PRKCE: variants seen among roughly 807,000 people sequenced by gnomAD.
PRKCE encodes the protein protein kinase C epsilon type.
Under a neutral mutation model 85.4 loss-of-function variants are expected in PRKCE, and 16 were observed. The observed-to-expected ratio is 0.19, with a 90% confidence interval of 0.13 to 0.28. The LOEUF (loss-of-function observed/expected upper bound fraction) is 0.28, where lower values mean the gene tolerates loss of function less well. PRKCE is among the 10% of genes least tolerant of loss of function. The probability of loss-of-function intolerance (pLI) is 1.00; values close to 1 mark genes in which losing one functional copy is unlikely to be tolerated. For synonymous variants in PRKCE, 388 were observed against 371.5 expected, an observed-to-expected ratio of 1.04 and a Z score of -0.51; for missense variants, 573 against 975.2, an observed-to-expected ratio of 0.59 and a Z score of 5.49.
intron 2 of PRKCE, among the ~76,000 whole-genome samples, chr2:45,972,960 A>G (rs1288025902): frequency 6.6e-6 from 1 of 152,236 alleles, no homozygotes; most frequent in Non-Finnish European, 1.5e-5. Flanking sequence ...ATTCTGAGTT[A>G]AAAGAACAAA....
chr2:45,744,138 G>C (rs1410741514), intron 1 of PRKCE, among the ~76,000 whole-genome samples: 2 of 152,024 alleles, frequency 1.3e-5, no homozygotes, highest in Non-Finnish European at 2.9e-5. Context: ...TAGTGTCCTT[G>C]TCAAATGGGA....
chr2:45,961,349 C>T (rs1701363702), intron 2 of PRKCE, among the ~76,000 whole-genome samples: 1 of 152,186 alleles, frequency 6.6e-6, no homozygotes. Flanking sequence ...AATGAAGTAT[C>T]TACTGCTATA....
chr2:45,865,531 A>T (rs1396110156), intron 2 of PRKCE, among the ~76,000 whole-genome samples: 1 of 152,148 alleles, frequency 6.6e-6, no homozygotes, highest in Non-Finnish European at 1.5e-5. Context: ...CAAAATTCAG[A>T]TGTTGTGCAT....
intron 1 of PRKCE, among the ~76,000 whole-genome samples, chr2:45,715,906 G>T (rs1680047158): frequency 6.6e-6 from 1 of 152,156 alleles, no homozygotes. Context: ...CTCCCCCCAT[G>T]ATGCCTCTCA....
intron 10 of PRKCE, among the ~76,000 whole-genome samples, chr2:46,071,534 C>G (rs1558420329): frequency 6.6e-6 from 1 of 152,164 alleles, no homozygotes; most frequent in Non-Finnish European, 1.5e-5. Flanking sequence ...TTAACCCAGG[C>G]AGTCAGGATT....
chr2:45,758,231 A>T (rs1684170927), intron 1 of PRKCE, among the ~76,000 whole-genome samples: 1 of 152,208 alleles, frequency 6.6e-6, no homozygotes, highest in African/African-American at 2.4e-5. Context: ...CATCTGTGAA[A>T]TGGGAATAGT....
At chr2:45,925,484 T>C (rs954300526) in intron 2 of PRKCE, among the ~76,000 whole-genome samples, 28 of 152,010 alleles carry the variant, frequency 1.8e-4, no homozygotes, top group African/African-American at 6.0e-4. Flanking sequence ...TTAGTGGAGA[T>C]GGGGTTTCAC....
chr2:45,855,295 A>G (rs1213606862), intron 2 of PRKCE, among the ~76,000 whole-genome samples: 1 of 152,264 alleles, frequency 6.6e-6, no homozygotes, highest in East Asian at 1.9e-4. Flanking sequence ...AAAAGAGTGT[A>G]TGAAATAAAG....
chr2:46,007,551 C>G lies in PRKCE; in HGVS notation c.1153C>G (p.Gln385Glu). Residue 385 changes from glutamine to glutamate, a missense_variant, in exon 9 of 15, where the codon CAG (glutamine) becomes GAG (glutamate). By Grantham distance (29) the Gln-to-Glu change is conservative. Coordinates refer to ENST00000306156, the MANE Select transcript of PRKCE (RefSeq NM_005400.3). ...CCGGGCAGCATCGTCTCCTGATGGC[C>G]AGCTGATGAGCCCCGGTGAGAATGG... is the stretch of plus-strand genomic sequence containing the variant. ...EHRAASSPDG[Q>E]LMSPGENGEV... 1 of 1,599,802 alleles carries G rather than the reference C, an allele frequency of 6.3e-7. No individual in the cohort carries two copies. Among genetic ancestry groups the G allele is most frequent in the Non-Finnish European group, 8.5e-7 (1 of 1,179,968 alleles).
At chr2:46,032,086 C>T (rs540649637) in intron 10 of PRKCE, among the ~76,000 whole-genome samples, 5 of 152,284 alleles carry the variant, frequency 3.3e-5, no homozygotes, top group South Asian at 4.1e-4. Flanking sequence ...AGAAGACTGC[C>T]GCAAGAATTT....
At chr2:45,934,769 T>A (rs1699305703) in intron 2 of PRKCE, among the ~76,000 whole-genome samples, 1 of 151,846 alleles carries the variant, frequency 6.6e-6, no homozygotes. Context: ...GAAACCACAA[T>A]TGGGCTGGGC....
chr2:45,986,825 G>A (rs996663238), intron 6 of PRKCE, among the ~76,000 whole-genome samples: 4 of 152,076 alleles, frequency 2.6e-5, no homozygotes, highest in African/African-American at 7.2e-5. Context: ...CTTCCCCGTT[G>A]GAGTATTCTT....
intron 10 of PRKCE, among the ~76,000 whole-genome samples, chr2:46,042,427 AAAAGT>A: frequency 6.6e-6 from 1 of 152,384 alleles, no homozygotes; most frequent in African/African-American, 2.4e-5. Context: ...GAAAACAAAC[AAAAGT>A]AAACAGGAGA....
intron 1 of PRKCE, among the ~76,000 whole-genome samples, chr2:45,836,199 A>C (rs1406619003): frequency 6.6e-6 from 1 of 152,226 alleles, no homozygotes; most frequent in Non-Finnish European, 1.5e-5. Flanking sequence ...CCTGCTTTGC[A>C]GGGATGTACA....
intron 3 of PRKCE, chr2:45,978,203 T>A (rs971784293): frequency 1.3e-5 from 2 of 152,228 alleles, no homozygotes; most frequent in Non-Finnish European, 2.9e-5. Context: ...AACTGAGTGG[T>A]CGGTCTTACA....
At chr2:46,182,750 C>A (rs1038741870) in intron 14 of PRKCE, among the ~76,000 whole-genome samples, 1 of 152,224 alleles carries the variant, frequency 6.6e-6, no homozygotes, top group African/African-American at 2.4e-5. Flanking sequence ...GCTCACCCGG[C>A]CCACGTTACC....
At chr2:45,798,779 TA>T (rs1299558470) in intron 1 of PRKCE, among the ~76,000 whole-genome samples, 1 of 149,570 alleles carries the variant, frequency 6.7e-6, no homozygotes, top group African/African-American at 2.5e-5. Context: ...TTTTTTTTTT[TA>T]CCTGTTTTCA....
At position 46,159,848 on chromosome 2, in the gene PRKCE, C is replaced by G. The variant is rs1398402021; in HGVS notation, c.2067+96C>G. The G allele has an allele frequency of 1.3e-5, 19 of 1,464,906 alleles. No individual in the cohort carries two copies. Among genetic ancestry groups the G allele is most frequent in the Non-Finnish European group, 1.6e-5 (17 of 1,084,440 alleles). 90.7% of individuals were successfully genotyped at this position (1,464,906 alleles called of 1,614,324 possible). ...CCCAGGAAGAGTTGGTCAGGGGATG[C>G]GTATTACAGTAAAAATGACAAAGAC... On this transcript the variant is annotated intron_variant, in intron 14 of 14. Transcript: ENST00000306156. The surrounding 1 kb of genome is among the most constrained non-coding windows in gnomAD (Gnocchi z 4.1).
chr2:45,689,181 G>A (rs1384841092), intron 1 of PRKCE, among the ~76,000 whole-genome samples: 1 of 152,148 alleles, frequency 6.6e-6, no homozygotes, highest in Non-Finnish European at 1.5e-5. Context: ...TGGCACATTC[G>A]GAATAGAATT....
Sources: gnomAD v4.1 joint callset for allele counts (sites outside exome capture counted in the v4.1 genomes callset) on GRCh38, gnomAD v4.1.1 for gene constraint, Gnocchi (gnomAD v3.1) non-coding constraint, MANE v1.5 for transcripts, NCBI Gene and HGNC (gene_info 2026-07-23, HGNC 2026-07-21) for gene names.